Variants in TCF7L1 observed in about 807,000 individuals in gnomAD.
TCF7L1 encodes transcription factor 7-like 1.
A neutral mutation model predicts 63.7 loss-of-function variants in TCF7L1; 18 were observed. That is an observed-to-expected ratio of 0.28 (90% CI 0.20 to 0.42). TCF7L1 has a LOEUF of 0.42. Ranked by LOEUF, TCF7L1 falls within the 10% of genes least tolerant of loss-of-function variation. The pLI, the probability that TCF7L1 is intolerant of heterozygous loss-of-function variation, is 1.00. For missense variants in TCF7L1, 654 were observed against 779.3 expected, an observed-to-expected ratio of 0.84 and a Z score of 1.91; for synonymous variants, 355 against 340.9, an observed-to-expected ratio of 1.04 and a Z score of -0.46.
intron 3 of TCF7L1, among the ~76,000 whole-genome samples, chr2:85,216,759 G>A (rs533203682): frequency 2.6e-5 from 4 of 152,266 alleles, no homozygotes; most frequent in African/African-American, 9.6e-5. Context: ...AGCTTACAAT[G>A]TAAGAGAACA....
intron 3 of TCF7L1, among the ~76,000 whole-genome samples, chr2:85,138,538 G>A (rs1228388050): frequency 6.6e-6 from 1 of 152,010 alleles, no homozygotes; most frequent in Non-Finnish European, 1.5e-5. Flanking sequence ...TTTAATGAGG[G>A]CTTTTCACAT....
chr2:85,270,491 A>T (rs1681124684), intron 3 of TCF7L1, among the ~76,000 whole-genome samples: 1 of 152,224 alleles, frequency 6.6e-6, no homozygotes, highest in Non-Finnish European at 1.5e-5. Context: ...ATCAGAGAGA[A>T]TAAATAGATT....
At chr2:85,175,222 CAG>C (rs1379048491) in intron 3 of TCF7L1, among the ~76,000 whole-genome samples, 1 of 152,202 alleles carries the variant, frequency 6.6e-6, no homozygotes, top group Non-Finnish European at 1.5e-5. Context: ...GCTCTTTGGA[CAG>C]GGGATCAGGT....
Position 85,134,404 on chromosome 2 carries a change from G to T in TCF7L1, c.395G>T (p.Ser132Ile). 6.4e-7 allele frequency: 1 copy of T among 1,567,840 alleles called. No homozygotes were observed. The highest frequency in any genetic ancestry group is 2.4e-5 in the East Asian group (1 of 42,004). ...TTCCTGATGATCCCGGACCTGAGCA[G>T]CCCGTACCTCTCCAACGGACCCCTG... ...YPFLMIPDLSSPYLSNGPLSP... is the reference protein window; with the variant it reads ...YPFLMIPDLSIPYLSNGPLSP... The change falls in exon 3 of 12, where the codon AGC (serine) becomes ATC (isoleucine). Residue 132 changes from serine (S) to isoleucine (I), a missense_variant. This residue lies in a region of TCF7L1 where 404 missense variants were observed against 454.8 expected (regional missense o/e 0.89). Coordinates refer to ENST00000282111, the MANE Select transcript of TCF7L1 (RefSeq NM_031283.3). This position sits in a 1 kb window ranked among gnomAD's most constrained non-coding sequence, Gnocchi z 5.0.
At position 85,309,195 on chromosome 2, in the gene TCF7L1, C is replaced by G. The variant is rs1319811529; in HGVS notation, c.1500C>G (p.Ala500=). 1 of 1,613,958 alleles carries G rather than the reference C, an allele frequency of 6.2e-7. No individual in the cohort carries two copies. Among genetic ancestry groups the G allele is most frequent in the African/African-American group, 1.3e-5 (1 of 74,870 alleles). The part of the protein sequence containing the change: ...AAPAATHSEQ[A]QPLSLTTKPE... ...CTGCTGCCACCCATTCGGAGCAAGC[C>G]CAGCCCCTCTCCCTCACCACCAAAC... The change falls in exon 12 of 12, where the codon GCC becomes GCG. Residue 500 remains alanine (A), a synonymous_variant. Transcript: ENST00000282111.
chr2:85,253,649 G>A lies in TCF7L1; in HGVS notation c.442-29846G>A, dbSNP rs573906019. 4.6e-5 allele frequency among the ~76,000 whole-genome samples: 7 copies of A among 152,316 alleles called. 1 individual carries two copies. The highest frequency in any genetic ancestry group is 1.4e-4 in the African/African-American group (6 of 41,560). On this transcript the variant is annotated intron_variant, in intron 3 of 11. Transcript: ENST00000282111. ...AGGTTAGTGTCACAACAGAAGAACA[G>A]TGAGCTTTGGAGCCTCAAAGAAAGA... is the stretch of plus-strand genomic sequence containing the variant.
In TCF7L1 at chr2:85,134,182, G is replaced by A; in HGVS notation, c.313+103G>A. ...CCCTTGCTTGGGTGGACGCACCCTTGCCCTCCGCCTTTATTGGCGGCAGCC... is the reference window on the plus strand; with the variant it reads ...CCCTTGCTTGGGTGGACGCACCCTTACCCTCCGCCTTTATTGGCGGCAGCC... On this transcript the variant is annotated intron_variant, in intron 2 of 11. Coordinates refer to ENST00000282111, the MANE Select transcript of TCF7L1 (RefSeq NM_031283.3). This position sits in a 1 kb window ranked among gnomAD's most constrained non-coding sequence, Gnocchi z 5.0. 2 of 1,518,174 alleles carry A rather than the reference G, an allele frequency of 1.3e-6. No homozygotes were observed. Among genetic ancestry groups the A allele is most frequent in the African/African-American group, 2.8e-5 (2 of 71,344 alleles). 94.0% of individuals were successfully genotyped at this position (1,518,174 alleles called of 1,614,324 possible). A position where few individuals can be genotyped will look rare whatever the true frequency, so the allele number is the denominator to read the frequency against.
intron 3 of TCF7L1, among the ~76,000 whole-genome samples, chr2:85,148,134 G>A (rs1192185212): frequency 2.0e-5 from 3 of 152,142 alleles, no homozygotes; most frequent in Non-Finnish European, 4.4e-5. Flanking sequence ...TGAGACGCTG[G>A]TGCTGAAGCT....
intron 3 of TCF7L1, among the ~76,000 whole-genome samples, chr2:85,199,327 A>G (rs559088292): frequency 6.6e-6 from 1 of 152,330 alleles, no homozygotes; most frequent in Non-Finnish European, 1.5e-5. Flanking sequence ...AAAAATGTGG[A>G]AGAGACAATA....
chr2:85,203,039 G>T (rs2104280078), intron 3 of TCF7L1, among the ~76,000 whole-genome samples: 1 of 152,218 alleles, frequency 6.6e-6, no homozygotes, highest in East Asian at 1.9e-4. Flanking sequence ...GTTTCACCAT[G>T]TTAGCCAGGA....
chr2:85,281,464 T>G (rs567202005), intron 3 of TCF7L1, among the ~76,000 whole-genome samples: 1 of 152,360 alleles, frequency 6.6e-6, no homozygotes, highest in East Asian at 1.9e-4. Context: ...AAATGAGTTT[T>G]AACTATTGAT....
rs149952147 is a variant in TCF7L1 at position 85,177,760 on chromosome 2, C to G, written c.441+43310C>G. ...GGAAAAGACGATTATAATCCTACCA[C>G]CTAACAAACTGTTTTCATTTGAGTC... On this transcript the variant is annotated intron_variant, in intron 3 of 11. Transcript: ENST00000282111. Among the ~76,000 whole-genome samples the G allele has an allele frequency of 6.2e-3, 944 of 152,196 alleles. 11 individuals are homozygous for G. Among genetic ancestry groups the G allele is most frequent in the African/African-American group, 0.021 (886 of 41,536 alleles).
chr2:85,287,633 A>G (rs748887090), intron 4 of TCF7L1, among the ~76,000 whole-genome samples: 3 of 152,230 alleles, frequency 2.0e-5, no homozygotes, highest in Non-Finnish European at 2.9e-5. Context: ...ACCGTAGTCT[A>G]TATTATAATA....
At chr2:85,284,255 C>T (rs1207669962) in intron 4 of TCF7L1, among the ~76,000 whole-genome samples, 2 of 152,212 alleles carry the variant, frequency 1.3e-5, no homozygotes, top group African/African-American at 4.8e-5. Flanking sequence ...CGTGATCCGC[C>T]AGCCTTGGCC....
At chr2:85,142,384 C>G (rs192794767) in intron 3 of TCF7L1, among the ~76,000 whole-genome samples, 94 of 149,988 alleles carry the variant, frequency 6.3e-4, no homozygotes, top group Non-Finnish European at 7.7e-4. Context: ...CGCCACTGCA[C>G]TCCAGCCTGA....
chr2:85,236,661 C>T (rs1680199033), intron 3 of TCF7L1, among the ~76,000 whole-genome samples: 1 of 152,080 alleles, frequency 6.6e-6, no homozygotes, highest in Admixed American at 6.5e-5. Flanking sequence ...TATGTATCTA[C>T]CCATGTATCA....
chr2:85,309,773 T>G lies in TCF7L1; in HGVS notation c.*311T>G. The G allele has an allele frequency of 3.4e-6, 1 of 296,948 alleles. No homozygotes were observed. The highest frequency in any genetic ancestry group is 5.7e-5 in the East Asian group (1 of 17,674). 18.4% of individuals were successfully genotyped at this position (296,948 alleles called of 1,614,324 possible). On this transcript the variant is annotated 3_prime_UTR_variant, in exon 12 of 12. Transcript: ENST00000282111. Reference sequence around the variant, plus strand: ...AGGGCACTTCTCTCTCTTACCTCTCTTGCACTTTCTGTCTCCTGTCTCTTC... The same window carrying G: ...AGGGCACTTCTCTCTCTTACCTCTCGTGCACTTTCTGTCTCCTGTCTCTTC...
chr2:85,245,124 C>A (rs1374373365), intron 3 of TCF7L1, among the ~76,000 whole-genome samples: 3 of 152,130 alleles, frequency 2.0e-5, no homozygotes, highest in African/African-American at 7.2e-5. Flanking sequence ...AGACAGATAC[C>A]AGGGAGAGGA....
At chr2:85,201,259 T>G (rs1264700708) in intron 3 of TCF7L1, among the ~76,000 whole-genome samples, 2 of 152,226 alleles carry the variant, frequency 1.3e-5, no homozygotes, top group East Asian at 1.9e-4. Context: ...TGCACTGTAT[T>G]TAATTTTATG....
Sources: gnomAD v4.1 joint callset for allele counts (sites outside exome capture counted in the v4.1 genomes callset) on GRCh38, gnomAD v4.1.1 for gene constraint, gnomAD v4.1.1 regional missense constraint, Gnocchi (gnomAD v3.1) non-coding constraint, MANE v1.5 for transcripts, NCBI Gene and HGNC (gene_info 2026-07-23, HGNC 2026-07-21) for gene names.